The following PCDH9 variants were observed in gnomAD, a reference collection of about 807,000 sequenced individuals.
PCDH9 encodes protocadherin-9.
A neutral mutation model predicts 70.6 loss-of-function variants in PCDH9; 24 were observed. That is an observed-to-expected ratio of 0.34 (90% CI 0.25 to 0.48). PCDH9 has a LOEUF of 0.48. PCDH9 is among the 20% of genes least tolerant of loss of function. The pLI is 0.99. For missense variants in PCDH9, 1,281 were observed against 1,503.6 expected (o/e 0.85, Z 2.45); for synonymous variants, 562 against 558.5 (o/e 1.01, Z -0.09).
chr13:66,421,946 A>T (rs545302365), intron 4 of PCDH9, among the ~76,000 whole-genome samples: 1 of 152,344 alleles, frequency 6.6e-6, no homozygotes, highest in South Asian at 2.1e-4. Context: ...TAGGCTCAAA[A>T]TAAAGGCATG....
intron 2 of PCDH9, among the ~76,000 whole-genome samples, chr13:67,177,451 AG>A: frequency 6.6e-6 from 1 of 152,058 alleles, no homozygotes; most frequent in Non-Finnish European, 1.5e-5. Flanking sequence ...TACCAAATCG[AG>A]TTAATTTATC....
At chr13:67,154,867 C>A (rs952803212) in intron 2 of PCDH9, among the ~76,000 whole-genome samples, 9 of 151,620 alleles carry the variant, frequency 5.9e-5, no homozygotes, top group African/African-American at 2.2e-4. Context: ...CCACACCCAG[C>A]AAATTTTTTG....
intron 4 of PCDH9, among the ~76,000 whole-genome samples, chr13:66,318,980 A>G (rs758688613): frequency 3.3e-4 from 51 of 152,298 alleles, no homozygotes; most frequent in Non-Finnish European, 6.2e-4. Context: ...GTAAGAGTGT[A>G]TTAGTCTGTT....
In PCDH9 at chr13:66,555,698, A is replaced by C. The variant is rs556527559; in HGVS notation, c.3340+75512T>G. 8.6e-5 allele frequency among the ~76,000 whole-genome samples: 13 copies of C among 151,832 alleles called. No individual in the cohort carries two copies. In the East Asian group the frequency reaches 2.5e-3, roughly 29 times the overall value. On this transcript the variant is annotated intron_variant, in intron 4 of 4. Coordinates refer to ENST00000377865, the MANE Select transcript of PCDH9 (RefSeq NM_203487.3). ...TCTAAGACAATATATGAGCTGAATG[A>C]AATTATTTTCAGACTCTTATCTTCA... is the stretch of plus-strand genomic sequence containing the variant.
At chr13:66,475,321 T>A (rs1207373664) in intron 4 of PCDH9, among the ~76,000 whole-genome samples, 1 of 152,088 alleles carries the variant, frequency 6.6e-6, no homozygotes, top group African/African-American at 2.4e-5. Flanking sequence ...GCAGCCCTGC[T>A]GTCACTGTGA....
At chr13:66,680,973 G>C (rs924374477) in intron 3 of PCDH9, among the ~76,000 whole-genome samples, 1 of 151,830 alleles carries the variant, frequency 6.6e-6, no homozygotes, top group African/African-American at 2.4e-5. Flanking sequence ...AAATCATATA[G>C]GTCCTGGGAA....
At chr13:66,437,404 C>CAAAAAAAAAAAAAAAAAAAAAAA (rs66796123) in intron 4 of PCDH9, among the ~76,000 whole-genome samples, 3 of 45,600 alleles carry the variant, frequency 6.6e-5, no homozygotes, top group African/African-American at 2.1e-4. Flanking sequence ...GACTCTGTCT[C>CAAAAAAAAAAAAAAAAAAAAAAA]AAAAAAAAAA....
intron 3 of PCDH9, among the ~76,000 whole-genome samples, chr13:66,853,199 A>G (rs1187430130): frequency 1.4e-5 from 1 of 71,084 alleles, no homozygotes; most frequent in Non-Finnish European, 3.5e-5. Flanking sequence ...TCTGAATAGT[A>G]GCAATAATAA....
At chr13:66,602,100 GGGGT>G (rs1403488946) in intron 4 of PCDH9, among the ~76,000 whole-genome samples, 1 of 145,748 alleles carries the variant, frequency 6.9e-6, no homozygotes, top group Non-Finnish European at 1.5e-5. Context: ...GTGTAGAACA[GGGGT>G]GTTCAGCCTT....
At chr13:66,774,744 A>T (rs1041807765) in intron 3 of PCDH9, among the ~76,000 whole-genome samples, 3 of 152,144 alleles carry the variant, frequency 2.0e-5, no homozygotes, top group African/African-American at 7.2e-5. Context: ...CATTCAAGTA[A>T]AATCAGTACT....
intron 3 of PCDH9, among the ~76,000 whole-genome samples, chr13:66,822,474 T>A (rs1442646714): frequency 6.6e-6 from 1 of 151,514 alleles, no homozygotes; most frequent in East Asian, 2.0e-4. Context: ...TAGACTCGTC[T>A]GAATTTGTGA....
intron 4 of PCDH9, among the ~76,000 whole-genome samples, chr13:66,581,346 G>A (rs1388325812): frequency 6.6e-6 from 1 of 152,096 alleles, no homozygotes; most frequent in Admixed American, 6.5e-5. Flanking sequence ...TATTAAACCA[G>A]ACCATATTTT....
chr13:66,938,390 C>T (rs1387806007), intron 2 of PCDH9, among the ~76,000 whole-genome samples: 1 of 152,138 alleles, frequency 6.6e-6, no homozygotes, highest in East Asian at 1.9e-4. Context: ...AGATGCAATA[C>T]TCTATTAATT....
At chr13:66,998,651 T>A (rs1164042028) in intron 2 of PCDH9, among the ~76,000 whole-genome samples, 1 of 152,194 alleles carries the variant, frequency 6.6e-6, no homozygotes, top group Non-Finnish European at 1.5e-5. Context: ...GACTTCTCCC[T>A]CTTCCTCATA....
rs150569771 is a variant in PCDH9, at chr13:66,349,011, A to G, written c.3341-43983T>C. ...GAGATGCCAAAAATAGTCACCAGAC[A>G]TATCTGCACATTAGAAGTATCTAGA... On this transcript the variant is annotated intron_variant, in intron 4 of 4. Coordinates refer to ENST00000377865, the MANE Select transcript of PCDH9 (RefSeq NM_203487.3). Among the ~76,000 whole-genome samples the G allele has an allele frequency of 6.8e-3, 1,035 of 152,292 alleles. 16 individuals are homozygous for G. The highest frequency in any genetic ancestry group is 0.023 in the African/African-American group (973 of 41,566).
intron 2 of PCDH9, among the ~76,000 whole-genome samples, chr13:66,926,427 C>T (rs2082719230): frequency 6.6e-6 from 1 of 151,990 alleles, no homozygotes; most frequent in African/African-American, 2.4e-5. Flanking sequence ...CTGTTTTCTT[C>T]TAATTAATAT....
chr13:67,005,028 ATAAAACT>A (rs1398609807), intron 2 of PCDH9, among the ~76,000 whole-genome samples: 2 of 152,154 alleles, frequency 1.3e-5, no homozygotes, highest in Admixed American at 1.3e-4. Context: ...TTTAGCTGAT[ATAAAACT>A]TAAGTCTCCT....
intron 4 of PCDH9, among the ~76,000 whole-genome samples, chr13:66,417,785 T>C (rs1229060177): frequency 1.3e-5 from 2 of 152,242 alleles, no homozygotes; most frequent in Admixed American, 1.3e-4. Flanking sequence ...CATATGTTTG[T>C]TGGCCGCATA....
chr13:67,006,485 G>C (rs936873840), intron 2 of PCDH9, among the ~76,000 whole-genome samples: 4 of 152,156 alleles, frequency 2.6e-5, no homozygotes, highest in African/African-American at 9.7e-5. Context: ...CTAAAGATTT[G>C]GTTGGTTAGA....
Sources: gnomAD v4.1 joint callset for allele counts (sites outside exome capture counted in the v4.1 genomes callset) on GRCh38, gnomAD v4.1.1 for gene constraint, MANE v1.5 for transcripts, NCBI Gene and HGNC (gene_info 2026-07-23, HGNC 2026-07-21) for gene names.